Variants in GRM7 observed in about 807,000 individuals in gnomAD.
GRM7 encodes the protein glutamate metabotropic receptor 7.
GRM7 carries 35 observed loss-of-function variants against 84.5 expected under a neutral mutation model. The observed-to-expected ratio is 0.41, with a 90% CI of 0.32 to 0.55. GRM7 has a LOEUF of 0.55. GRM7 is among the 20% of genes least tolerant of loss of function. The pLI, the probability that GRM7 is intolerant of heterozygous loss-of-function variation, is 0.19. For synonymous variants in GRM7, 487 were observed against 455.1 expected, an observed-to-expected ratio of 1.07 and a Z score of -0.89; for missense variants, 1,003 against 1,194.6, an observed-to-expected ratio of 0.84 and a Z score of 2.36.
chr3:7,110,235 T>C (rs1574916690), intron 1 of GRM7, among the ~76,000 whole-genome samples: 2 of 152,094 alleles, frequency 1.3e-5, no homozygotes. Context: ...TAATGCCAGA[T>C]GTCCAACCCA....
chr3:7,586,715 C>T lies in GRM7; in HGVS notation c.2451+7358C>T, dbSNP rs114119591. Among the ~76,000 whole-genome samples the T allele has an allele frequency of 5.0e-3, 767 of 152,044 alleles. 10 individuals carry two copies. Among genetic ancestry groups the T allele is most frequent in the African/African-American group, 0.016 (670 of 41,484 alleles). ...CCCAGCTACTTGGGAGGTGGAGGCA[C>T]GAGAAGTGCTTGAACCCAGGAGGCA... On this transcript the variant is annotated intron_variant, in intron 8 of 9. Coordinates refer to ENST00000357716, the MANE Select transcript of GRM7 (RefSeq NM_000844.4).
At chr3:7,515,782 C>T (rs1293525098) in intron 7 of GRM7, among the ~76,000 whole-genome samples, 1 of 152,110 alleles carries the variant, frequency 6.6e-6, no homozygotes, top group Non-Finnish European at 1.5e-5. Context: ...TCTTACTAAA[C>T]TAGGGCCAAG....
chr3:7,473,707 G>A (rs1033435635), intron 7 of GRM7, among the ~76,000 whole-genome samples: 4 of 152,162 alleles, frequency 2.6e-5, no homozygotes, highest in Admixed American at 6.5e-5. Context: ...AGAGGATTTT[G>A]AAACAAGTTG....
intron 7 of GRM7, among the ~76,000 whole-genome samples, chr3:7,464,123 T>C (rs900424808): frequency 5.9e-5 from 9 of 152,194 alleles, no homozygotes; most frequent in African/African-American, 2.2e-4. Context: ...TCAGAAGAAC[T>C]AGAGGTGCGG....
intron 7 of GRM7, among the ~76,000 whole-genome samples, chr3:7,541,742 G>C (rs1692893688): frequency 6.6e-6 from 1 of 152,178 alleles, no homozygotes; most frequent in African/African-American, 2.4e-5. Flanking sequence ...CAATCACTTA[G>C]AATGAAATCT....
intron 7 of GRM7, among the ~76,000 whole-genome samples, chr3:7,516,270 C>G (rs4686132): frequency 0.75 from 111,845 of 149,470 alleles, 42,247 homozygotes; most frequent in African/African-American, 0.83. Context: ...AAGGTCAGTA[C>G]ATCAAGACCA....
At chr3:7,334,826 A>G (rs1701341785) in intron 4 of GRM7, among the ~76,000 whole-genome samples, 1 of 152,168 alleles carries the variant, frequency 6.6e-6, no homozygotes, top group African/African-American at 2.4e-5. Context: ...AAAGAGGAAC[A>G]TTATTTAATG....
intron 1 of GRM7, among the ~76,000 whole-genome samples, chr3:7,066,163 G>T (rs548015761): frequency 6.0e-5 from 9 of 151,074 alleles, no homozygotes; most frequent in Non-Finnish European, 1.0e-4. Context: ...GCAGAAGAAA[G>T]GAAATAAGAT....
At chr3:6,891,047 A>G (rs1256301229) in intron 1 of GRM7, among the ~76,000 whole-genome samples, 1 of 152,018 alleles carries the variant, frequency 6.6e-6, no homozygotes, top group Non-Finnish European at 1.5e-5. Context: ...AGAGGCTAGG[A>G]TTGCAACCCC....
intron 8 of GRM7, among the ~76,000 whole-genome samples, chr3:7,626,796 G>A (rs1262748339): frequency 6.6e-6 from 1 of 152,048 alleles, no homozygotes; most frequent in Non-Finnish European, 1.5e-5. Flanking sequence ...CAAGGGGTTA[G>A]GACTTTAAAA....
chr3:7,218,168 A>G (rs1696677561), intron 2 of GRM7, among the ~76,000 whole-genome samples: 1 of 152,128 alleles, frequency 6.6e-6, no homozygotes, highest in Admixed American at 6.5e-5. Context: ...TAGAAGTTCC[A>G]TTGTTGATTA....
At chr3:7,330,821 A>G (rs1397045919) in intron 4 of GRM7, among the ~76,000 whole-genome samples, 1 of 152,120 alleles carries the variant, frequency 6.6e-6, no homozygotes, top group Non-Finnish European at 1.5e-5. Flanking sequence ...CCCTTCCTCC[A>G]GGGCACCATG....
At chr3:7,101,477 A>G (rs1699106518) in intron 1 of GRM7, among the ~76,000 whole-genome samples, 1 of 151,508 alleles carries the variant, frequency 6.6e-6, no homozygotes. Context: ...TTTTATATTT[A>G]AAGTGCATAT....
chr3:7,126,973 T>G (rs1042599266), intron 1 of GRM7, among the ~76,000 whole-genome samples: 1 of 152,240 alleles, frequency 6.6e-6, no homozygotes, highest in African/African-American at 2.4e-5. Flanking sequence ...TTTCAATTAT[T>G]TAAATGTTCT....
At chr3:7,204,515 C>T (rs1382411932) in intron 2 of GRM7, among the ~76,000 whole-genome samples, 1 of 152,176 alleles carries the variant, frequency 6.6e-6, no homozygotes, top group Non-Finnish European at 1.5e-5. Context: ...AAAATGATTC[C>T]GTTAGCTTAG....
intron 2 of GRM7, among the ~76,000 whole-genome samples, chr3:7,193,905 C>A (rs988167181): frequency 6.6e-6 from 1 of 152,018 alleles, no homozygotes; most frequent in African/African-American, 2.4e-5. Flanking sequence ...AGTGTGGATA[C>A]CACCTCCAGA....
At chr3:6,951,083 A>C (rs919848011) in intron 1 of GRM7, among the ~76,000 whole-genome samples, 13 of 152,174 alleles carry the variant, frequency 8.5e-5, no homozygotes, top group Non-Finnish European at 1.5e-4. Flanking sequence ...CAGTGAGATG[A>C]ACCCAGTACC....
intron 4 of GRM7, among the ~76,000 whole-genome samples, chr3:7,349,948 T>C (rs1693062503): frequency 6.6e-6 from 1 of 152,198 alleles, no homozygotes; most frequent in East Asian, 1.9e-4. Context: ...TTCCTTTGTT[T>C]TTCTCTAGCA....
chr3:7,410,714 A>G (rs960867779), intron 4 of GRM7, among the ~76,000 whole-genome samples: 15 of 151,916 alleles, frequency 9.9e-5, no homozygotes, highest in Non-Finnish European at 1.5e-5. Flanking sequence ...GGACAAGACA[A>G]GTCTATATGT....
Sources: gnomAD v4.1 joint callset for allele counts (sites outside exome capture counted in the v4.1 genomes callset) on GRCh38, gnomAD v4.1.1 for gene constraint, MANE v1.5 for transcripts, NCBI Gene and HGNC (gene_info 2026-07-23, HGNC 2026-07-21) for gene names.